The following SHROOM4 variants were observed in gnomAD, a reference collection of about 807,000 sequenced individuals.
SHROOM4 encodes the protein shroom family member 4, also known as protein Shroom4.
SHROOM4 carries 17 observed loss-of-function variants against 80.3 expected under a neutral mutation model. That is an observed-to-expected ratio of 0.21 (90% CI 0.14 to 0.32). SHROOM4 has a LOEUF of 0.32. Ranked by LOEUF, SHROOM4 falls within the 10% of genes least tolerant of loss-of-function variation. The probability of loss-of-function intolerance (pLI) is 1.00; values close to 1 mark genes in which losing one functional copy is unlikely to be tolerated. For missense variants in SHROOM4, 993 were observed against 1,140.3 expected (o/e 0.87, Z 1.86); for synonymous variants, 400 against 437.5 (o/e 0.91, Z 1.07).
At position 50,588,580 on chromosome X, in the gene SHROOM4, G is replaced by A. The variant is rs781925400; in HGVS notation, c.*8115C>T. Among the ~76,000 whole-genome samples the A allele has an allele frequency of 8.9e-6, 1 of 111,821 alleles. No homozygotes were observed. The highest frequency in any genetic ancestry group is 3.2e-5 in the African/African-American group (1 of 30,839). ...GGTGTGGGTTCCAGTGTCCAGGCTT[G>A]GAACTGCCTCTGTAAGAGAAGGATT... On this transcript the variant is annotated 3_prime_UTR_variant, in exon 9 of 9. Coordinates refer to ENST00000376020, the MANE Select transcript of SHROOM4 (RefSeq NM_020717.5).
Position 50,596,652 on chromosome X carries a change from C to G in SHROOM4, c.*43G>C. The G allele has an allele frequency of 8.3e-7, 1 of 1,202,709 alleles. No homozygotes were observed. Among genetic ancestry groups the G allele is most frequent in the Non-Finnish European group, 1.1e-6 (1 of 893,748 alleles). The stretch of plus-strand genomic sequence containing the variant: ...TAACAAAGAAGATTGAAAGCACTTC[C>G]CACATGGCTGGGCAGGGATGCTGTG... On this transcript the variant is annotated 3_prime_UTR_variant, in exon 9 of 9. Coordinates refer to ENST00000376020, the MANE Select transcript of SHROOM4 (RefSeq NM_020717.5).
At position 50,596,191 on chromosome X, in the gene SHROOM4, C is replaced by G; in HGVS notation, c.*504G>C. ...GTGTAATTCCTCCCTCTGTGCTTTC[C>G]CCTGCAAAGCTTGGGTGAGGCCCTG... On this transcript the variant is annotated 3_prime_UTR_variant, in exon 9 of 9. Coordinates refer to ENST00000376020, the MANE Select transcript of SHROOM4 (RefSeq NM_020717.5). The G allele has an allele frequency of 3.0e-6, 1 of 331,649 alleles. No individual in the cohort carries two copies. The highest frequency in any genetic ancestry group is 3.1e-5 in the Admixed American group (1 of 32,383). 27.3% of individuals were successfully genotyped at this position (331,649 alleles called of 1,213,427 possible). A position where few individuals can be genotyped will look rare whatever the true frequency, so the allele number is the denominator to read the frequency against.
chrX:50,694,900 C>A (rs1318396900), intron 2 of SHROOM4, among the ~76,000 whole-genome samples: 2 of 103,400 alleles, frequency 1.9e-5, no homozygotes, highest in African/African-American at 7.1e-5. Flanking sequence ...TGGGAAGATG[C>A]AAGATGGAAA....
intron 2 of SHROOM4, among the ~76,000 whole-genome samples, chrX:50,655,301 T>C (rs1410064789): frequency 9.1e-6 from 1 of 109,597 alleles, no homozygotes; most frequent in Non-Finnish European, 1.9e-5. Context: ...TTTGTGTATA[T>C]ACCAAGTAAT....
intron 5 of SHROOM4, among the ~76,000 whole-genome samples, chrX:50,616,018 C>T (rs937693367): frequency 8.9e-6 from 1 of 112,155 alleles, no homozygotes; most frequent in Non-Finnish European, 1.9e-5. Context: ...TTGATCAAAG[C>T]TGGTGCCTTG....
intron 5 of SHROOM4, among the ~76,000 whole-genome samples, chrX:50,608,743 T>C (rs1299023145): frequency 8.0e-5 from 9 of 112,323 alleles, no homozygotes; most frequent in South Asian, 3.7e-4. Context: ...CCCATGTTCC[T>C]ACCTATCACC....
At chrX:50,799,012 T>C (rs1336901979) in intron 1 of SHROOM4, among the ~76,000 whole-genome samples, 1 of 112,192 alleles carries the variant, frequency 8.9e-6, no homozygotes, top group African/African-American at 3.2e-5. Flanking sequence ...GGCCTCCAAA[T>C]GACCATGCTA....
intron 2 of SHROOM4, among the ~76,000 whole-genome samples, chrX:50,676,852 C>T (rs1338956930): frequency 1.8e-5 from 2 of 111,423 alleles, no homozygotes; most frequent in East Asian, 5.6e-4. Flanking sequence ...CCAAATTAAA[C>T]TGGTGTCTCT....
chrX:50,803,567 T>G (rs1936170623), intron 1 of SHROOM4, among the ~76,000 whole-genome samples: 1 of 111,680 alleles, frequency 9.0e-6, no homozygotes, highest in African/African-American at 3.3e-5. Flanking sequence ...CCTCAAGGCC[T>G]AGCTCCAATT....
chrX:50,582,618 A>C (rs183041181), downstream of SHROOM4, among the ~76,000 whole-genome samples: 1 of 111,630 alleles, frequency 9.0e-6, no homozygotes, highest in Non-Finnish European at 1.9e-5. Context: ...ATTTGGATTG[A>C]CACTGGTTTT....
chrX:50,688,276 G>C (rs914807067), intron 2 of SHROOM4, among the ~76,000 whole-genome samples: 1 of 110,537 alleles, frequency 9.0e-6, no homozygotes, highest in East Asian at 2.8e-4. Context: ...ATATATCAAA[G>C]AGATATCTAT....
intron 2 of SHROOM4, among the ~76,000 whole-genome samples, chrX:50,659,799 T>A (rs1050847148): frequency 4.5e-5 from 5 of 111,916 alleles, no homozygotes; most frequent in Non-Finnish European, 7.5e-5. Context: ...CTCACTTACA[T>A]TATCTCTAAA....
At chrX:50,615,209 A>G (rs1002069617) in intron 5 of SHROOM4, among the ~76,000 whole-genome samples, 6 of 111,143 alleles carry the variant, frequency 5.4e-5, no homozygotes, top group East Asian at 2.8e-4. Flanking sequence ...TGATTTTGTT[A>G]TACATTTTTC....
chrX:50,633,544 T>A lies in SHROOM4; in HGVS notation c.2529A>T (p.Ser843=). 1 of 1,211,547 alleles carries A rather than the reference T, an allele frequency of 8.3e-7. No individual in the cohort carries two copies. ...ADQPYHATDQ[S]YHSMSPLQSE... is the part of the protein sequence containing the mutation. Reference sequence around the variant, plus strand: ...ACTGAAGGGGTGACATGGAATGATATGATTGGTCTGTGGCATGATATGGTT... The same window carrying A: ...ACTGAAGGGGTGACATGGAATGATAAGATTGGTCTGTGGCATGATATGGTT... The change falls in exon 4 of 9, where the codon TCA becomes TCT. Residue 843 remains serine, a synonymous_variant. Coordinates refer to ENST00000376020, the MANE Select transcript of SHROOM4 (RefSeq NM_020717.5).
chrX:50,672,946 C>A (rs1219892007), intron 2 of SHROOM4, among the ~76,000 whole-genome samples: 2 of 111,330 alleles, frequency 1.8e-5, no homozygotes, highest in African/African-American at 6.5e-5. Flanking sequence ...GAGAAAATAT[C>A]CTTCAGGAAT....
At position 50,593,970 on chromosome X, in the gene SHROOM4, G is replaced by C. The variant is rs1322966273; in HGVS notation, c.*2725C>G. 1 of 112,184 alleles carries C rather than the reference G, an allele frequency of 8.9e-6. No individual in the cohort carries two copies. The highest frequency in any genetic ancestry group is 9.4e-5 in the Admixed American group (1 of 10,596). The allele number at this position is 112,184 out of a possible 1,213,427, so 9.2% of individuals were successfully genotyped here. The stretch of plus-strand genomic sequence containing the variant: ...ATTCAATTATCCAGAGCCCTGGGAG[G>C]TGGCAGGAGGGGTTGGGGGGACATG... On this transcript the variant is annotated 3_prime_UTR_variant, in exon 9 of 9. Transcript: ENST00000376020.
rs781878531 is a variant in SHROOM4, at chrX:50,801,261, GGA to G, written c.117+12639_117+12640del. ...GGAGGGAAGGAGAGAGAGAGAAAGA[GGA>G]GAGAGAGAGAGAGAGAGAGAGAGAG... On this transcript the variant is annotated intron_variant, in intron 1 of 8. Transcript: ENST00000376020. Among the ~76,000 whole-genome samples, 313 of 81,451 alleles carry G rather than the reference GGA, an allele frequency of 3.8e-3. 4 individuals are homozygous for G. Among genetic ancestry groups the G allele is most frequent in the African/African-American group, 0.013 (273 of 21,129 alleles). 70.7% of individuals were successfully genotyped at this position (81,451 alleles called of 115,157 possible).
chrX:50,799,717 CAG>C (rs1557272402), intron 1 of SHROOM4, among the ~76,000 whole-genome samples: 1 of 112,120 alleles, frequency 8.9e-6, no homozygotes, highest in East Asian at 2.8e-4. Flanking sequence ...CATACACACA[CAG>C]AGTGTGTTCA....
At chrX:50,803,176 G>A (rs1557272794) in intron 1 of SHROOM4, among the ~76,000 whole-genome samples, 1 of 111,825 alleles carries the variant, frequency 8.9e-6, no homozygotes, top group South Asian at 3.8e-4. Context: ...GCAACAGAGA[G>A]AGACTCCGTC....
Sources: gnomAD v4.1 joint callset for allele counts (sites outside exome capture counted in the v4.1 genomes callset) on GRCh38, gnomAD v4.1.1 for gene constraint, MANE v1.5 for transcripts, NCBI Gene and HGNC (gene_info 2026-07-23, HGNC 2026-07-21) for gene names.